The following FAM227B variants were observed in gnomAD, a reference collection of about 807,000 sequenced individuals.
FAM227B encodes the protein protein FAM227B.
Under a neutral mutation model 73.8 loss-of-function variants are expected in FAM227B, and 88 were observed. The observed-to-expected ratio is 1.19, with a 90% CI of 1.00 to 1.42. The LOEUF is 1.42. Among genes scored for constraint, FAM227B ranks in the 40% most tolerant of loss-of-function variants. FAM227B has a pLI of 0.00. For synonymous variants in FAM227B, 210 were observed against 190.5 expected, an observed-to-expected ratio of 1.10 and a Z score of -0.84; for missense variants, 632 against 590.9, an observed-to-expected ratio of 1.07 and a Z score of -0.72.
At chr15:49,615,065 T>C in intron 2 of FAM227B, 56 bp downstream of exon 2, 1 of 1,532,072 alleles carries the variant, frequency 6.5e-7, no homozygotes, top group Non-Finnish European at 9.0e-7. Flanking sequence ...TTACCTGAAA[T>C]TCCAAGAGAA....
At chr15:49,353,578 T>C (rs755804684) in intron 13 of FAM227B, 16 of 152,040 alleles carry the variant, frequency 1.1e-4, no homozygotes, top group South Asian at 2.1e-4. Context: ...TTTTATGACA[T>C]TGACACCCAA....
rs536929073 is a variant in FAM227B, at chr15:49,561,905, T to C, written c.747+6340A>G. 3.3e-5 allele frequency among the ~76,000 whole-genome samples: 5 copies of C among 152,140 alleles called. No homozygotes were observed. In the South Asian group the frequency reaches 1.0e-3, roughly 32 times the overall value. On this transcript the variant is annotated intron_variant, in intron 9 of 15. Coordinates refer to ENST00000299338, the MANE Select transcript of FAM227B (RefSeq NM_152647.3). ...CCTACATAGAGAAGTTACAAGGATC[T>C]CAAATTAACAATATAATATTACACC...
chr15:49,386,917 T>G (rs886256134), intron 11 of FAM227B, among the ~76,000 whole-genome samples: 10 of 151,996 alleles, frequency 6.6e-5, no homozygotes, highest in African/African-American at 2.4e-4. Flanking sequence ...GATGAATTCC[T>G]GGAAACATAC....
intron 2 of FAM227B, among the ~76,000 whole-genome samples, chr15:49,612,164 C>T (rs947261760): frequency 2.6e-5 from 4 of 151,078 alleles, no homozygotes; most frequent in African/African-American, 9.7e-5. Flanking sequence ...CATATGTATA[C>T]ATGTGCCATG....
At chr15:49,360,907 A>G (rs1240616508) in intron 13 of FAM227B, among the ~76,000 whole-genome samples, 1 of 152,148 alleles carries the variant, frequency 6.6e-6, no homozygotes, top group African/African-American at 2.4e-5. Flanking sequence ...CTCTCCATAC[A>G]TACCTCCAGT....
At chr15:49,330,620 A>G (rs1308765191) in intron 15 of FAM227B, 2 of 152,094 alleles carry the variant, frequency 1.3e-5, no homozygotes, top group Non-Finnish European at 2.9e-5. Flanking sequence ...TGACACTCAA[A>G]TCATTTACCA....
chr15:49,503,227 G>T (rs1387312884), intron 11 of FAM227B, among the ~76,000 whole-genome samples: 2 of 152,168 alleles, frequency 1.3e-5, no homozygotes, highest in East Asian at 1.9e-4. Context: ...GCCATATGTA[G>T]AAAGCTGAAA....
intron 11 of FAM227B, among the ~76,000 whole-genome samples, chr15:49,493,851 G>C (rs1250050691): frequency 2.8e-5 from 4 of 142,176 alleles, no homozygotes; most frequent in Non-Finnish European, 6.1e-5. Context: ...TATATAAAGG[G>C]GTCTGTGTAT....
intron 11 of FAM227B, among the ~76,000 whole-genome samples, chr15:49,386,270 T>C (rs2046877751): frequency 6.7e-6 from 1 of 150,166 alleles, no homozygotes; most frequent in Admixed American, 6.6e-5. Context: ...TCTCAATAAA[T>C]TAAAAAAAAA....
At chr15:49,559,737 C>T (rs1359986672) in intron 9 of FAM227B, among the ~76,000 whole-genome samples, 3 of 152,078 alleles carry the variant, frequency 2.0e-5, no homozygotes, top group Non-Finnish European at 2.9e-5. Context: ...GAGTTCGAGA[C>T]TAGCCTGACC....
At chr15:49,448,968 A>C (rs1183531232) in intron 11 of FAM227B, among the ~76,000 whole-genome samples, 1 of 151,798 alleles carries the variant, frequency 6.6e-6, no homozygotes, top group African/African-American at 2.4e-5. Context: ...TTTTTTTTGC[A>C]TATGAATAAT....
intron 13 of FAM227B, chr15:49,365,545 G>T (rs1306743285): frequency 1.1e-6 from 1 of 875,222 alleles, no homozygotes; most frequent in Non-Finnish European, 2.0e-6. Context: ...CAATGTTTCA[G>T]TATTTTCAAA....
At chr15:49,519,757 C>T (rs1045008044) in intron 10 of FAM227B, among the ~76,000 whole-genome samples, 62 of 152,150 alleles carry the variant, frequency 4.1e-4, no homozygotes, top group Non-Finnish European at 3.4e-4. Context: ...CTGTGAAGAC[C>T]TCTGACATGC....
At chr15:49,498,877 G>A (rs997526173) in intron 11 of FAM227B, among the ~76,000 whole-genome samples, 2 of 152,108 alleles carry the variant, frequency 1.3e-5, no homozygotes, top group Admixed American at 1.3e-4. Flanking sequence ...ACAAAGAAGG[G>A]CATTACAGGC....
chr15:49,375,742 C>T (rs1397684866), intron 11 of FAM227B, among the ~76,000 whole-genome samples: 1 of 151,924 alleles, frequency 6.6e-6, no homozygotes, highest in Non-Finnish European at 1.5e-5. Context: ...TAGAGCATAC[C>T]GTCTGATAAA....
intron 11 of FAM227B, among the ~76,000 whole-genome samples, chr15:49,460,070 C>A (rs1402701409): frequency 6.6e-6 from 1 of 152,152 alleles, no homozygotes; most frequent in Non-Finnish European, 1.5e-5. Context: ...CAACAACAAA[C>A]TTTATGTTTT....
At chr15:49,470,674 A>C (rs1270197448) in intron 11 of FAM227B, among the ~76,000 whole-genome samples, 1 of 152,234 alleles carries the variant, frequency 6.6e-6, no homozygotes, top group Non-Finnish European at 1.5e-5. Flanking sequence ...AAAAATGGGC[A>C]TAGCAAGAGG....
chr15:49,509,742 A>G (rs987813294), intron 10 of FAM227B, among the ~76,000 whole-genome samples: 1 of 152,124 alleles, frequency 6.6e-6, no homozygotes, highest in Non-Finnish European at 1.5e-5. Context: ...ATCTTTTCAC[A>G]TTGCCAGTTT....
chr15:49,571,009 C>T (rs1430495931), intron 8 of FAM227B, among the ~76,000 whole-genome samples: 1 of 150,128 alleles, frequency 6.7e-6, no homozygotes, highest in African/African-American at 2.4e-5. Context: ...TTTCATATCT[C>T]GGTTATTGCA....
Sources: allele counts gnomAD v4.1 joint callset (sites outside exome capture counted in the v4.1 genomes callset), GRCh38; gene constraint gnomAD v4.1.1; transcripts MANE v1.5; gene names NCBI Gene and HGNC (gene_info 2026-07-23, HGNC 2026-07-21).